CALN1: variants seen among roughly 807,000 people sequenced by gnomAD.
CALN1 encodes calcium-binding protein 8.
A neutral mutation model predicts 30.6 loss-of-function variants in CALN1; 17 were observed. The observed-to-expected ratio is 0.56, with a 90% CI of 0.38 to 0.83. CALN1 has a LOEUF of 0.83. Ranked by LOEUF, CALN1 falls within the 40% of genes least tolerant of loss-of-function variation. CALN1 has a pLI of 0.00. For synonymous variants in CALN1, 156 were observed against 131.4 expected (o/e 1.19, Z -1.28); for missense variants, 291 against 354.9 (o/e 0.82, Z 1.45).
At chr7:72,112,561 C>A (rs1807657772) in intron 3 of CALN1, among the ~76,000 whole-genome samples, 2 of 152,126 alleles carry the variant, frequency 1.3e-5, no homozygotes, top group Non-Finnish European at 1.5e-5. Context: ...ATGTAAGATA[C>A]AAACCTAGAG....
At chr7:72,061,147 T>C (rs1323096335) in intron 4 of CALN1, among the ~76,000 whole-genome samples, 1 of 152,116 alleles carries the variant, frequency 6.6e-6, no homozygotes, top group Non-Finnish European at 1.5e-5. Context: ...ATCTGCCTGC[T>C]CAAACAAAAA....
At chr7:72,415,205 G>A (rs1807383801), upstream of CALN1, among the ~76,000 whole-genome samples, 3 of 152,250 alleles carry the variant, frequency 2.0e-5, no homozygotes, top group African/African-American at 7.2e-5. Context: ...TGTTATGGCA[G>A]CCTGAGCAGA....
At chr7:72,002,259 T>C (rs1477323032) in intron 5 of CALN1, among the ~76,000 whole-genome samples, 2 of 152,196 alleles carry the variant, frequency 1.3e-5, no homozygotes, top group South Asian at 2.1e-4. Flanking sequence ...ATACACCTAA[T>C]ATACTGAACA....
chr7:72,019,102 C>T lies in CALN1; in HGVS notation c.501+4555G>A, dbSNP rs188474854. ...CCCGCCTCAACTGATCCGCCCACCTCGGCCTCCCTAAGTGCTGGGATTATA... is the reference window on the plus strand; with the variant it reads ...CCCGCCTCAACTGATCCGCCCACCTTGGCCTCCCTAAGTGCTGGGATTATA... On this transcript the variant is annotated intron_variant, in intron 5 of 6. Transcript: ENST00000395275. 6.5e-4 allele frequency among the ~76,000 whole-genome samples: 99 copies of T among 151,888 alleles called. 1 individual carries two copies. Among genetic ancestry groups the T allele is most frequent in the Middle Eastern group, 6.8e-3 (2 of 294 alleles).
intron 5 of CALN1, among the ~76,000 whole-genome samples, chr7:71,996,401 T>C (rs1444737647): frequency 3.3e-5 from 5 of 152,176 alleles, no homozygotes; most frequent in Non-Finnish European, 4.4e-5. Context: ...GAAACCATCA[T>C]GCCCCAGTGA....
intron 5 of CALN1, among the ~76,000 whole-genome samples, chr7:71,919,573 A>G (rs971620542): frequency 3.9e-5 from 6 of 152,240 alleles, no homozygotes; most frequent in African/African-American, 1.2e-4. Context: ...GATAGTAGCT[A>G]TAACAGAACA....
upstream of CALN1, among the ~76,000 whole-genome samples, chr7:72,413,832 TACAC>T (rs1807333436): frequency 6.7e-6 from 1 of 149,502 alleles, no homozygotes; most frequent in Non-Finnish European, 1.5e-5. Context: ...GCATGGCACA[TACAC>T]AAACATGCAC....
At chr7:71,821,038 T>C (rs1415948519) in intron 5 of CALN1, among the ~76,000 whole-genome samples, 1 of 152,164 alleles carries the variant, frequency 6.6e-6, no homozygotes, top group Admixed American at 6.5e-5. Context: ...ACGTTAAATT[T>C]TGGATGCATT....
At chr7:72,350,704 A>C (rs1802876360) in intron 2 of CALN1, among the ~76,000 whole-genome samples, 1 of 152,204 alleles carries the variant, frequency 6.6e-6, no homozygotes, top group South Asian at 2.1e-4. Flanking sequence ...GTAATGAAAT[A>C]ATCTGTACAC....
At chr7:71,821,383 G>A (rs138141250) in intron 5 of CALN1, among the ~76,000 whole-genome samples, 84 of 152,196 alleles carry the variant, frequency 5.5e-4, no homozygotes, top group African/African-American at 1.9e-3. Context: ...AGGACTCACC[G>A]TTCCACATGG....
chr7:72,234,016 T>C (rs76596445), intron 3 of CALN1, among the ~76,000 whole-genome samples: 7,586 of 151,338 alleles, frequency 0.05, 248 homozygotes, highest in Middle Eastern at 0.095. Context: ...AATAAATAAA[T>C]AAACAAACAA....
At chr7:72,267,807 G>C (rs1205873223) in intron 3 of CALN1, among the ~76,000 whole-genome samples, 2 of 152,212 alleles carry the variant, frequency 1.3e-5, no homozygotes, top group Admixed American at 6.5e-5. Context: ...AGGAGTTTGA[G>C]ATCAGCCTGG....
intron 4 of CALN1, among the ~76,000 whole-genome samples, chr7:72,080,109 C>A (rs1805031147): frequency 6.6e-6 from 1 of 152,216 alleles, no homozygotes; most frequent in African/African-American, 2.4e-5. Context: ...TGAAAAACCC[C>A]ACCTTCAGAT....
In CALN1 at chr7:72,295,295, T is replaced by C. The variant is rs183774153; in HGVS notation, c.120-16485A>G. Among the ~76,000 whole-genome samples the C allele has an allele frequency of 1.9e-3, 284 of 152,300 alleles. 2 individuals are homozygous for C. Among genetic ancestry groups the C allele is most frequent in the Middle Eastern group, 0.017 (5 of 294 alleles). ...AAGTAATGAAAATGGAAACAATACT[T>C]ATTTTTAAAAATAACAAAAACAATA... is the stretch of plus-strand genomic sequence containing the variant. On this transcript the variant is annotated intron_variant, in intron 2 of 6. Coordinates refer to ENST00000395275, the MANE Select transcript of CALN1 (RefSeq NM_031468.4).
chr7:72,298,593 C>G (rs1457385063), intron 2 of CALN1, among the ~76,000 whole-genome samples: 3 of 152,082 alleles, frequency 2.0e-5, no homozygotes, highest in Non-Finnish European at 4.4e-5. Context: ...TTCTGTAAAG[C>G]CTCTTGCCCA....
intron 5 of CALN1, among the ~76,000 whole-genome samples, chr7:71,969,868 A>G (rs1355956739): frequency 6.7e-6 from 1 of 150,074 alleles, no homozygotes; most frequent in African/African-American, 2.5e-5. Context: ...TCTGTCACCC[A>G]GGCTGGAGTG....
At chr7:72,164,453 G>A (rs543338123) in intron 3 of CALN1, among the ~76,000 whole-genome samples, 82 of 151,874 alleles carry the variant, frequency 5.4e-4, no homozygotes, top group Non-Finnish European at 1.0e-3. Context: ...ATATGCCAAT[G>A]AATGGCAAAG....
At chr7:72,358,256 A>G (rs1803357201) in intron 2 of CALN1, among the ~76,000 whole-genome samples, 1 of 151,874 alleles carries the variant, frequency 6.6e-6, no homozygotes, top group Admixed American at 6.6e-5. Context: ...TGGCCTCCCA[A>G]AGTGCTAGGA....
chr7:72,030,506 T>C (rs1801366815), intron 4 of CALN1, among the ~76,000 whole-genome samples: 1 of 152,150 alleles, frequency 6.6e-6, no homozygotes, highest in South Asian at 2.1e-4. Context: ...GGGCTGGGAA[T>C]ACCCCCCAAA....
Sources: gnomAD v4.1 joint callset for allele counts (sites outside exome capture counted in the v4.1 genomes callset) on GRCh38, gnomAD v4.1.1 for gene constraint, MANE v1.5 for transcripts, NCBI Gene and HGNC (gene_info 2026-07-23, HGNC 2026-07-21) for gene names.